The following SASS6 variants were observed in gnomAD, a reference collection of about 807,000 sequenced individuals.
SASS6 encodes the protein spindle assembly abnormal protein 6 homolog.
A neutral mutation model predicts 94.9 loss-of-function variants in SASS6; 59 were observed. The observed-to-expected ratio is 0.62, with a 90% CI of 0.50 to 0.77. SASS6 has a LOEUF of 0.77. Among genes scored for constraint, SASS6 ranks in the 30% least tolerant of loss-of-function variants. SASS6 has a pLI of 0.00. For missense variants in SASS6, 698 were observed against 734.1 expected, an observed-to-expected ratio of 0.95 and a Z score of 0.57; for synonymous variants, 264 against 270.0, an observed-to-expected ratio of 0.98 and a Z score of 0.22.
Position 100,113,337 on chromosome 1 carries a change from G to A in SASS6, c.670-2854C>T, listed in dbSNP as rs943572434. Among the ~76,000 whole-genome samples the A allele has an allele frequency of 3.9e-5, 6 of 152,112 alleles. No individual in the cohort carries two copies. In the South Asian group the frequency reaches 1.0e-3, roughly 26 times the overall value. ...TCAAGCCAAAAAAAAGGCCGGGCCC[G>A]GTGGCTCACGCCTGTAATCCCAGCA... On this transcript the variant is annotated intron_variant, in intron 7 of 16. Coordinates refer to ENST00000287482, the MANE Select transcript of SASS6 (RefSeq NM_194292.3).
At chr1:100,119,762 C>T (rs919452914) in intron 6 of SASS6, among the ~76,000 whole-genome samples, 1 of 152,196 alleles carries the variant, frequency 6.6e-6, no homozygotes, top group Non-Finnish European at 1.5e-5. Context: ...TCCTGCTCCC[C>T]TTTGCCTTCA....
rs1488784171 is a variant in SASS6 at position 100,085,605 on chromosome 1, T to G, written c.1798A>C (p.Lys600Gln). ...ENGENVGLES[K>Q]YLKKREDSIP... ...CTATCTTCCCTTTTCTTCAGGTATT[T>G]GGATTCCAACCCTACATTTTCACCA... The change falls in exon 16 of 17, where the codon AAA (lysine) becomes CAA (glutamine). Residue 600 changes from lysine (K) to glutamine (Q), a missense_variant. By Grantham distance (53) the Lys-to-Gln change is moderately conservative. Coordinates refer to ENST00000287482, the MANE Select transcript of SASS6 (RefSeq NM_194292.3). 1 of 1,611,478 alleles carries G rather than the reference T, an allele frequency of 6.2e-7. No individual in the cohort carries two copies.
chr1:100,106,067 A>G (rs1303407999), intron 12 of SASS6, among the ~76,000 whole-genome samples, 164 bp from the exon 13 acceptor site: 1 of 152,182 alleles, frequency 6.6e-6, no homozygotes, highest in Non-Finnish European at 1.5e-5. Context: ...TTGTCATTAA[A>G]GTTTCTTATT....
intron 13 of SASS6, among the ~76,000 whole-genome samples, chr1:100,103,513 T>C (rs1044706411): frequency 6.6e-6 from 1 of 152,206 alleles, no homozygotes; most frequent in Admixed American, 6.5e-5. Flanking sequence ...AGACAGTAAT[T>C]GGTTTTGCCA....
chr1:100,124,609 T>C (rs1654433060), intron 2 of SASS6, among the ~76,000 whole-genome samples: 1 of 152,194 alleles, frequency 6.6e-6, no homozygotes, highest in Admixed American at 6.5e-5. Context: ...TTCAAACTCC[T>C]GGCTCAAGCA....
intron 2 of SASS6, among the ~76,000 whole-genome samples, chr1:100,123,648 T>C (rs72971878): frequency 0.037 from 5,706 of 152,312 alleles, 380 homozygotes; most frequent in African/African-American, 0.13. Flanking sequence ...TTCAATTTTA[T>C]TTTTAGTTTC....
chr1:100,122,548 CCT>C (rs1491451362), intron 3 of SASS6, 64 bp from the exon 4 acceptor site: 5 of 390,254 alleles, frequency 1.3e-5, no homozygotes, highest in South Asian at 8.3e-5. Context: ...TGTTTTGGTG[CCT>C]TTTTTTTTTT....
At chr1:100,092,627 G>A (rs1280264306) in intron 14 of SASS6, among the ~76,000 whole-genome samples, 7 of 152,178 alleles carry the variant, frequency 4.6e-5, no homozygotes, top group African/African-American at 1.7e-4. Context: ...CCAGGCTAGA[G>A]TGCAGAGGCG....
rs760200107 is a variant in SASS6 at position 100,110,277 on chromosome 1, A to C, written c.861+15T>G. The C allele has an allele frequency of 1.0e-5, 15 of 1,482,874 alleles. No individual in the cohort carries two copies. Among genetic ancestry groups the C allele is most frequent in the Non-Finnish European group, 1.4e-5 (15 of 1,107,102 alleles). The allele number at this position is 1,482,874 out of a possible 1,614,324, so 91.9% of individuals were successfully genotyped here. A position where few individuals can be genotyped will look rare whatever the true frequency, so the allele number is the denominator to read the frequency against. ...TCTCTTAAATTGGGGGAGGAAAAAA[A>C]ACAACATTCAATACCTCTTCAACAC... On this transcript the variant is annotated intron_variant, in intron 8 of 16. Coordinates refer to ENST00000287482, the MANE Select transcript of SASS6 (RefSeq NM_194292.3).
intron 3 of SASS6, 65 bp from the exon 4 acceptor site, chr1:100,122,549 CTTTTTT>C: frequency 1.1e-4 from 24 of 223,408 alleles, no homozygotes; most frequent in East Asian, 4.0e-4. Flanking sequence ...GTTTTGGTGC[CTTTTTT>C]TTTTTTTTTT....
chr1:100,089,058 T>C lies in SASS6; in HGVS notation c.1675-822A>G, dbSNP rs34957444. 2.8e-3 allele frequency among the ~76,000 whole-genome samples: 432 copies of C among 151,924 alleles called. 2 individuals carry two copies. The highest frequency in any genetic ancestry group is 5.1e-3 in the Non-Finnish European group (350 of 67,976). On this transcript the variant is annotated intron_variant, in intron 14 of 16. Coordinates refer to ENST00000287482, the MANE Select transcript of SASS6 (RefSeq NM_194292.3). Reference sequence around the variant, plus strand: ...AAGAACTTAATGGAAATAAAAAGTATGAGAAAATTGAAGATATAAAAAAGA... The same window carrying C: ...AAGAACTTAATGGAAATAAAAAGTACGAGAAAATTGAAGATATAAAAAAGA...
intron 1 of SASS6, among the ~76,000 whole-genome samples, chr1:100,128,369 TTCATATA>T (rs1654773337): frequency 1.3e-5 from 2 of 152,324 alleles, no homozygotes; most frequent in Admixed American, 1.3e-4. Context: ...CCTGTCATAC[TTCATATA>T]TTTGCAAAAA....
intron 1 of SASS6, among the ~76,000 whole-genome samples, chr1:100,126,840 A>C (rs1369600599): frequency 6.6e-6 from 1 of 152,256 alleles, no homozygotes; most frequent in African/African-American, 2.4e-5. Context: ...GAATGTTTAA[A>C]ATCAAGGAAA....
At chr1:100,127,440 T>C (rs1431766556) in intron 1 of SASS6, among the ~76,000 whole-genome samples, 2 of 150,704 alleles carry the variant, frequency 1.3e-5, no homozygotes. Context: ...TGTAATTTTA[T>C]ATGGGTTTAA....
At chr1:100,091,327 C>A (rs535747179) in intron 14 of SASS6, among the ~76,000 whole-genome samples, 1 of 152,002 alleles carries the variant, frequency 6.6e-6, no homozygotes, top group South Asian at 2.1e-4. Flanking sequence ...GAATCACAAC[C>A]TAAAGAAGGC....
rs577199028 is a variant in SASS6, at chr1:100,112,316, C to A, written c.670-1833G>T. ...GGAAAACAAAAATTAATAAAAAATT[C>A]TATGAAGAAGTGATGAAATATAGAA... is the stretch of plus-strand genomic sequence containing the variant. On this transcript the variant is annotated intron_variant, in intron 7 of 16. Coordinates refer to ENST00000287482, the MANE Select transcript of SASS6 (RefSeq NM_194292.3). 8.6e-5 allele frequency among the ~76,000 whole-genome samples: 13 copies of A among 151,914 alleles called. No homozygotes were observed. The East Asian group carries it at 2.5e-3, about 29-fold the overall frequency.
chr1:100,117,291 CA>C (rs60675693), intron 7 of SASS6, among the ~76,000 whole-genome samples: 1,211 of 94,552 alleles, frequency 0.013, 7 homozygotes, highest in African/African-American at 0.033. Flanking sequence ...AATTCTGTCT[CA>C]AAAAAAAAAA....
intron 14 of SASS6, among the ~76,000 whole-genome samples, chr1:100,101,992 T>C (rs1051727811): frequency 5.9e-5 from 9 of 152,350 alleles, no homozygotes; most frequent in African/African-American, 2.2e-4. Flanking sequence ...AATGTTTATT[T>C]GTCTCATTAT....
At chr1:100,125,820 G>C (rs1198985581) in intron 2 of SASS6, 62 bp downstream of exon 2, 2 of 867,850 alleles carry the variant, frequency 2.3e-6, no homozygotes, top group African/African-American at 3.4e-5. Flanking sequence ...CATTCTTAAA[G>C]AACAAAACTA....
Sources: allele counts gnomAD v4.1 joint callset (sites outside exome capture counted in the v4.1 genomes callset), GRCh38; gene constraint gnomAD v4.1.1; transcripts MANE v1.5; gene names NCBI Gene and HGNC (gene_info 2026-07-23, HGNC 2026-07-21).